EYS: variants seen among roughly 807,000 people sequenced by gnomAD.
EYS encodes EGF-like photoreceptor maintenance factor, also known as protein eyes shut homolog.
A neutral mutation model predicts 282.1 loss-of-function variants in EYS; 250 were observed. That is an observed-to-expected ratio of 0.89 (90% confidence interval 0.80 to 0.98). The LOEUF is 0.98. Ranked by LOEUF, EYS falls within the 50% of genes least tolerant of loss-of-function variation. The pLI is 0.00. For missense variants in EYS, 4,016 were observed against 3,709.0 expected, an observed-to-expected ratio of 1.08 and a Z score of -2.15; for synonymous variants, 1,355 against 1,282.9, an observed-to-expected ratio of 1.06 and a Z score of -1.20.
chr6:63,888,690 C>G (rs11751346), intron 35 of EYS, among the ~76,000 whole-genome samples: 1 of 152,098 alleles, frequency 6.6e-6, no homozygotes, highest in African/African-American at 2.4e-5. Context: ...GGTAAACCAG[C>G]GTAAAAAGGC....
At chr6:65,582,795 T>C (rs1719200081) in intron 2 of EYS, among the ~76,000 whole-genome samples, 1 of 152,150 alleles carries the variant, frequency 6.6e-6, no homozygotes, top group Non-Finnish European at 1.5e-5. Context: ...ACATGTGTAA[T>C]AAGTGACAAA....
intron 12 of EYS, among the ~76,000 whole-genome samples, chr6:65,194,865 T>TA (rs1765728014): frequency 6.6e-6 from 1 of 151,700 alleles, no homozygotes; most frequent in Admixed American, 6.6e-5. Flanking sequence ...TTTTTTTTTT[T>TA]TAGACCTGGA....
intron 30 of EYS, among the ~76,000 whole-genome samples, chr6:64,294,016 C>T (rs1768811493): frequency 6.6e-6 from 1 of 152,004 alleles, no homozygotes; most frequent in Admixed American, 6.6e-5. Context: ...GTATACGCTA[C>T]CTAATTATTA....
At chr6:63,836,375 T>C (rs930766769) in intron 36 of EYS, among the ~76,000 whole-genome samples, 1 of 151,726 alleles carries the variant, frequency 6.6e-6, no homozygotes, top group African/African-American at 2.4e-5. Context: ...TACCAAAAAA[T>C]GACATTTCTA....
At chr6:63,835,814 A>C (rs1267654234) in intron 36 of EYS, among the ~76,000 whole-genome samples, 1 of 152,180 alleles carries the variant, frequency 6.6e-6, no homozygotes, top group African/African-American at 2.4e-5. Context: ...TAACTTTGAC[A>C]TAATAGAAGG....
Position 64,802,017 on chromosome 6 carries a change from C to CTTTTTTTTTTTTTTTT in EYS, c.3443+11360_3443+11361insAAAAAAAAAAAAAAAA. ...GTTATAAGAGAGTTATAACAAATTT[C>CTTTTTTTTTTTTTTTT]TTTTTCTTTTTTTTTCTTTTTTTTT... On this transcript the variant is annotated intron_variant, in intron 22 of 42. Coordinates refer to ENST00000503581, the MANE Select transcript of EYS (RefSeq NM_001142800.2). Among the ~76,000 whole-genome samples the CTTTTTTTTTTTTTTTT allele has an allele frequency of 3.5e-5, 2 of 57,640 alleles. 1 individual carries two copies. The highest frequency in any genetic ancestry group is 7.2e-5 in the Non-Finnish European group (2 of 27,600). 37.8% of individuals were successfully genotyped at this position (57,640 alleles called of 152,430 possible). A position where few individuals can be genotyped will look rare whatever the true frequency, so the allele number is the denominator to read the frequency against.
At chr6:65,510,014 T>A (rs532452339) in intron 2 of EYS, among the ~76,000 whole-genome samples, 1 of 152,060 alleles carries the variant, frequency 6.6e-6, no homozygotes, top group Non-Finnish European at 1.5e-5. Flanking sequence ...TTTTCTTTTT[T>A]TTTTCTTTTT....
chr6:65,411,949 A>C (rs1767034451), intron 5 of EYS, among the ~76,000 whole-genome samples: 1 of 152,064 alleles, frequency 6.6e-6, no homozygotes, highest in Admixed American at 6.6e-5. Context: ...CTAGGGACTG[A>C]AAATTTGTGT....
intron 12 of EYS, among the ~76,000 whole-genome samples, chr6:65,229,136 A>C (rs1766704120): frequency 6.6e-6 from 1 of 152,028 alleles, no homozygotes; most frequent in Non-Finnish European, 1.5e-5. Context: ...CCAAATAAAC[A>C]GAATTGACTT....
intron 26 of EYS, among the ~76,000 whole-genome samples, chr6:64,547,403 A>C (rs760027904): frequency 6.6e-6 from 1 of 152,156 alleles, no homozygotes; most frequent in Non-Finnish European, 1.5e-5. Context: ...TGAGCTAGAC[A>C]CAAAAGTTAT....
At chr6:65,469,935 C>A (rs9363374) in intron 5 of EYS, among the ~76,000 whole-genome samples, 122,567 of 152,126 alleles carry the variant, frequency 0.81, 50,345 homozygotes, top group East Asian at 1. Context: ...AGAAAAATGC[C>A]CAAGCTTCCT....
At chr6:64,459,743 T>C (rs1775681788) in intron 26 of EYS, among the ~76,000 whole-genome samples, 3 of 152,150 alleles carry the variant, frequency 2.0e-5, no homozygotes, top group Admixed American at 2.0e-4. Context: ...TTCTGCCTGA[T>C]TTATTCTAGC....
intron 31 of EYS, among the ~76,000 whole-genome samples, chr6:64,110,338 C>G (rs1773165764): frequency 6.6e-6 from 1 of 151,856 alleles, no homozygotes; most frequent in Non-Finnish European, 1.5e-5. Flanking sequence ...TCAGATTACT[C>G]CACATTGACC....
intron 23 of EYS, among the ~76,000 whole-genome samples, chr6:64,621,021 A>AT (rs1012622149): frequency 1.2e-3 from 185 of 151,590 alleles, no homozygotes; most frequent in African/African-American, 4.3e-3. Context: ...ATTTTTACTA[A>AT]TTTTTTTTTA....
intron 22 of EYS, among the ~76,000 whole-genome samples, chr6:64,749,970 T>G (rs1772689792): frequency 3.3e-5 from 5 of 152,030 alleles, no homozygotes; most frequent in African/African-American, 1.2e-4. Flanking sequence ...ATTAGAAGTA[T>G]TATAATTTCT....
At chr6:64,523,341 GTTTA>G (rs1404937740) in intron 26 of EYS, among the ~76,000 whole-genome samples, 2 of 151,644 alleles carry the variant, frequency 1.3e-5, no homozygotes, top group African/African-American at 4.8e-5. Flanking sequence ...TTCACTTTGT[GTTTA>G]TTTGTTTCAA....
At chr6:65,037,407 T>C (rs1772802490) in intron 13 of EYS, among the ~76,000 whole-genome samples, 2 of 151,624 alleles carry the variant, frequency 1.3e-5, no homozygotes, top group South Asian at 2.1e-4. Context: ...ACACCAAACC[T>C]CCATGACACA....
intron 35 of EYS, among the ~76,000 whole-genome samples, chr6:63,888,321 T>C (rs1280917813): frequency 6.6e-6 from 1 of 152,236 alleles, no homozygotes; most frequent in Non-Finnish European, 1.5e-5. Context: ...AATGGGTCCT[T>C]GACCCCTGTG....
intron 12 of EYS, among the ~76,000 whole-genome samples, chr6:65,212,485 C>T (rs958382686): frequency 3.3e-5 from 5 of 152,022 alleles, no homozygotes; most frequent in African/African-American, 1.2e-4. Flanking sequence ...TGAACTTTCT[C>T]ATATGTTAGC....
Sources: allele counts gnomAD v4.1 joint callset (sites outside exome capture counted in the v4.1 genomes callset), GRCh38; gene constraint gnomAD v4.1.1; transcripts MANE v1.5; gene names NCBI Gene and HGNC (gene_info 2026-07-23, HGNC 2026-07-21).